GDPGP1: variants seen among roughly 807,000 people sequenced by gnomAD.
GDPGP1 encodes the protein GDP-D-glucose phosphorylase 1.
GDPGP1 carries 18 observed loss-of-function variants against 19.2 expected under a neutral mutation model. The observed-to-expected ratio is 0.94, with a 90% CI of 0.65 to 1.39. GDPGP1 has a LOEUF of 1.39. Ranked by LOEUF, GDPGP1 falls within the 40% of genes most tolerant of loss-of-function variation. The pLI, the probability that GDPGP1 is intolerant of heterozygous loss-of-function variation, is 0.00. For synonymous variants in GDPGP1, 219 were observed against 208.9 expected (o/e 1.05, Z -0.42); for missense variants, 449 against 490.5 (o/e 0.92, Z 0.80).
Position 90,241,019 on chromosome 15 carries a change from G to A in GDPGP1, c.111G>A (p.Met37Ile), listed in dbSNP as rs747292977. The A allele has an allele frequency of 1.7e-5, 27 of 1,613,926 alleles. No individual in the cohort carries two copies. The highest frequency in any genetic ancestry group is 2.2e-5 in the Non-Finnish European group (26 of 1,179,962). ...TTGTTTATGGGCAGAAGGATCTCAT[G>A]GCAGAAGGGATTCAGTGGCCAAGGA... is the stretch of plus-strand genomic sequence containing the variant. ...PDFVYGQKDL[M>I]AEGIQWPRNA... Residue 37 changes from methionine to isoleucine, a missense_variant, in exon 4 of 4, where the codon ATG (methionine) becomes ATA (isoleucine). Coordinates refer to ENST00000329600, the MANE Select transcript of GDPGP1 (RefSeq NM_001013657.3).
chr15:90,242,636 G>T lies in GDPGP1; in HGVS notation c.*570G>T, dbSNP rs549624592. ...ATTTTTTTGTATTTTTAAAAGAGAA[G>T]GGGTTTCACCACATTGGCTAGGCTG... is the stretch of plus-strand genomic sequence containing the variant. On this transcript the variant is annotated 3_prime_UTR_variant, in exon 4 of 4. Transcript: ENST00000329600. 2 of 151,064 alleles carry T rather than the reference G, an allele frequency of 1.3e-5. No individual in the cohort carries two copies. Among genetic ancestry groups the T allele is most frequent in the African/African-American group, 4.9e-5 (2 of 41,032 alleles). The allele number at this position is 151,064 out of a possible 1,614,324, so 9.4% of individuals were successfully genotyped here. A position where few individuals can be genotyped will look rare whatever the true frequency, so the allele number is the denominator to read the frequency against.
intron 2 of GDPGP1, among the ~76,000 whole-genome samples, chr15:90,236,818 G>A (rs1043393306): frequency 8.6e-5 from 13 of 152,042 alleles, no homozygotes; most frequent in South Asian, 8.3e-4. Flanking sequence ...CACCACGCCC[G>A]GCCTCTCATG....
In GDPGP1 at chr15:90,241,024, A is replaced by G; in HGVS notation, c.116A>G (p.Glu39Gly). ...TATGGGCAGAAGGATCTCATGGCAG[A>G]AGGGATTCAGTGGCCAAGGAATGCA... Reference protein sequence around the residue: ...FVYGQKDLMAEGIQWPRNAPG... With the variant: ...FVYGQKDLMAGGIQWPRNAPG... The change falls in exon 4 of 4, where the codon GAA (glutamate) becomes GGA (glycine). Residue 39 changes from glutamate (E) to glycine (G), a missense_variant. Glu to Gly is a moderately conservative substitution (Grantham distance 98). Transcript: ENST00000329600. 6.2e-7 allele frequency: 1 copy of G among 1,614,120 alleles called. No homozygotes were observed. Among genetic ancestry groups the G allele is most frequent in the Non-Finnish European group, 8.5e-7 (1 of 1,180,000 alleles).
Position 90,241,808 on chromosome 15 carries a change from A to G in GDPGP1, c.900A>G (p.Thr300=), listed in dbSNP as rs767311035. Residue 300 remains threonine, a synonymous_variant, in exon 4 of 4, where the codon ACA becomes ACG. Coordinates refer to ENST00000329600, the MANE Select transcript of GDPGP1 (RefSeq NM_001013657.3). ...FVTRGAPPGK[T]SPSSALTGVR... ...CCCGGGGAGCTCCGCCGGGAAAGACATCACCTTCCTCAGCCCTCACAGGGG... is the reference window on the plus strand; with the variant it reads ...CCCGGGGAGCTCCGCCGGGAAAGACGTCACCTTCCTCAGCCCTCACAGGGG... The G allele has an allele frequency of 6.2e-7, 1 of 1,614,114 alleles. No individual in the cohort carries two copies. Among genetic ancestry groups the G allele is most frequent in the Non-Finnish European group, 8.5e-7 (1 of 1,180,048 alleles).
At chr15:90,239,451 CTT>C (rs1159564240) in intron 3 of GDPGP1, among the ~76,000 whole-genome samples, 1 of 152,066 alleles carries the variant, frequency 6.6e-6, no homozygotes, top group Non-Finnish European at 1.5e-5. Context: ...CCTCAGGAAA[CTT>C]ACAATCATGA....
rs1417146286 is a variant in GDPGP1 at position 90,238,527 on chromosome 15, G to GGACTGAAGTGA, written c.-30_-20dup. The GGACTGAAGTGA allele has an allele frequency of 6.6e-6, 1 of 152,108 alleles. No homozygotes were observed. Among genetic ancestry groups the GGACTGAAGTGA allele is most frequent in the Non-Finnish European group, 1.5e-5 (1 of 68,026 alleles). 9.4% of individuals were successfully genotyped at this position (152,108 alleles called of 1,614,324 possible). On this transcript the variant is annotated 5_prime_UTR_variant, in exon 3 of 4. Coordinates refer to ENST00000329600, the MANE Select transcript of GDPGP1 (RefSeq NM_001013657.3). The stretch of plus-strand genomic sequence containing the variant: ...AGCAGAGCTGAAGGAACCCAAACTT[G>GGACTGAAGTGA]GACTGAAGTGACTCTACTAAGGTAA...
intron 2 of GDPGP1, among the ~76,000 whole-genome samples, chr15:90,238,201 G>A (rs576425941): frequency 1.2e-4 from 18 of 152,288 alleles, no homozygotes; most frequent in African/African-American, 4.3e-4. Context: ...TCAGGAGGCT[G>A]AGGCATGAAA....
chr15:90,237,329 T>C (rs1199547974), intron 2 of GDPGP1, among the ~76,000 whole-genome samples: 1 of 140,724 alleles, frequency 7.1e-6, no homozygotes, highest in African/African-American at 2.7e-5. Context: ...GTCACCAGGC[T>C]GGAATGCAGT....
Position 90,241,782 on chromosome 15 carries a change from A to AC in GDPGP1, c.877dup (p.Arg293ProfsTer34). 5.6e-6 allele frequency: 9 copies of AC among 1,614,152 alleles called. No homozygotes were observed. The highest frequency in any genetic ancestry group is 7.6e-6 in the Non-Finnish European group (9 of 1,180,026). ...TGAGATTGCTCATAACTTGTTTGTC[A>AC]CCCGGGGAGCTCCGCCGGGAAAGAC... On this transcript the variant is annotated frameshift_variant, in exon 4 of 4. Coordinates refer to ENST00000329600, the MANE Select transcript of GDPGP1 (RefSeq NM_001013657.3). LOFTEE classifies it high-confidence loss of function.
Position 90,242,125 on chromosome 15 carries a change from G to T in GDPGP1, c.*59G>T. On this transcript the variant is annotated 3_prime_UTR_variant, in exon 4 of 4. Coordinates refer to ENST00000329600, the MANE Select transcript of GDPGP1 (RefSeq NM_001013657.3). The stretch of plus-strand genomic sequence containing the variant: ...TTCTTTTGAGATAGGGTCTCACTCT[G>T]TCCCCAGGCTAGAGTGTAGTGGTAT... 1 of 1,375,134 alleles carries T rather than the reference G, an allele frequency of 7.3e-7. No homozygotes were observed. Among genetic ancestry groups the T allele is most frequent in the Middle Eastern group, 2.6e-4 (1 of 3,894 alleles). The allele number at this position is 1,375,134 out of a possible 1,614,324, so 85.2% of individuals were successfully genotyped here.
chr15:90,244,272 T>TG lies in GDPGP1; in HGVS notation c.*2210dup, dbSNP rs1424265608. The TG allele has an allele frequency of 2.6e-5, 4 of 152,310 alleles. No individual in the cohort carries two copies. Among genetic ancestry groups the TG allele is most frequent in the African/African-American group, 9.6e-5 (4 of 41,544 alleles). The allele number at this position is 152,310 out of a possible 1,614,324, so 9.4% of individuals were successfully genotyped here. On this transcript the variant is annotated 3_prime_UTR_variant, in exon 4 of 4. Transcript: ENST00000329600. ...CTCCCTGAGCCTCAGCCATCCCTCT[T>TG]GGGGTCTTTCCCAAGCACTTTAGAA...
At chr15:90,236,225 A>C (rs1962634284) in intron 2 of GDPGP1, 1 of 152,054 alleles carries the variant, frequency 6.6e-6, no homozygotes. Context: ...TTTAGTAGAG[A>C]CGGGGTTTCT....
intron 3 of GDPGP1, among the ~76,000 whole-genome samples, 165 bp downstream of exon 3, chr15:90,238,713 C>T (rs1962685960): frequency 6.6e-6 from 1 of 152,302 alleles, no homozygotes; most frequent in Admixed American, 6.5e-5. Context: ...GCCATCCTCA[C>T]CCAAATGTTT....
intron 2 of GDPGP1, among the ~76,000 whole-genome samples, chr15:90,237,035 T>C (rs1400913175): frequency 1.3e-5 from 2 of 151,864 alleles, no homozygotes; most frequent in Non-Finnish European, 2.9e-5. Context: ...CTTAGCTCAC[T>C]GCAACCTCTG....
rs532759888 is a variant in GDPGP1, at chr15:90,244,390, G to T, written c.*2324G>T. ...GTGGGAAATTTTTTTTTATCTCATT[G>T]CTTTGTTCTGTCCTGTTTCTCCAGA... On this transcript the variant is annotated 3_prime_UTR_variant, in exon 4 of 4. Transcript: ENST00000329600. 2 of 152,260 alleles carry T rather than the reference G, an allele frequency of 1.3e-5. No homozygotes were observed. Among genetic ancestry groups the T allele is most frequent in the African/African-American group, 2.4e-5 (1 of 41,540 alleles). 9.4% of individuals were successfully genotyped at this position (152,260 alleles called of 1,614,324 possible). A position where few individuals can be genotyped will look rare whatever the true frequency, so the allele number is the denominator to read the frequency against.
At position 90,238,069 on chromosome 15, in the gene GDPGP1, G is replaced by A. The variant is rs141010742; in HGVS notation, c.-66-423G>A. ...AATCCCAGCACTTTGGGAGGCCAAC[G>A]CAGGTGGATCACCTGAGGTCAGGAG... On this transcript the variant is annotated intron_variant, in intron 2 of 3. Coordinates refer to ENST00000329600, the MANE Select transcript of GDPGP1 (RefSeq NM_001013657.3). Among the ~76,000 whole-genome samples, 529 of 152,292 alleles carry A rather than the reference G, an allele frequency of 3.5e-3. 7 individuals carry two copies. Among genetic ancestry groups the A allele is most frequent in the South Asian group, 2.9e-3 (14 of 4,830 alleles).
intron 3 of GDPGP1, 75 bp from the exon 4 acceptor site, chr15:90,240,825 T>A (rs113126276): frequency 0.13 from 115,869 of 897,854 alleles, 4,176 homozygotes; most frequent in South Asian, 0.21. Flanking sequence ...AAAAAAAAAA[T>A]AAATAAATAA....
At position 90,241,696 on chromosome 15, in the gene GDPGP1, G is replaced by T. The variant is rs765186934; in HGVS notation, c.788G>T (p.Gly263Val). Residue 263 changes from glycine (G) to valine (V), a missense_variant, in exon 4 of 4, where the codon GGG becomes GTG. By Grantham distance (109) the Gly-to-Val change is moderately radical. Coordinates refer to ENST00000329600, the MANE Select transcript of GDPGP1 (RefSeq NM_001013657.3). ...PGFLFYTRGPGPDLESLISRV... is the reference protein window; with the variant it reads ...PGFLFYTRGPVPDLESLISRV... ...TTCCTCTTTTACACTCGTGGGCCAGGGCCTGACTTGGAGTCCTTGATAAGC... is the reference window on the plus strand; with the variant it reads ...TTCCTCTTTTACACTCGTGGGCCAGTGCCTGACTTGGAGTCCTTGATAAGC... The T allele has an allele frequency of 1.2e-6, 2 of 1,614,196 alleles. No individual in the cohort carries two copies. Among genetic ancestry groups the T allele is most frequent in the Non-Finnish European group, 1.7e-6 (2 of 1,180,032 alleles).
chr15:90,242,431 CTTTTTTTTTTTTTT>C lies in GDPGP1; in HGVS notation c.*383_*396del, dbSNP rs71151576. 0.15 allele frequency: 10,213 copies of C among 65,934 alleles called. 1,312 individuals carry two copies. Among genetic ancestry groups the C allele is most frequent in the East Asian group, 0.44 (1,467 of 3,366 alleles). 4.1% of individuals were successfully genotyped at this position (65,934 alleles called of 1,614,324 possible). A position where few individuals can be genotyped will look rare whatever the true frequency, so the allele number is the denominator to read the frequency against. On this transcript the variant is annotated 3_prime_UTR_variant, in exon 4 of 4. Coordinates refer to ENST00000329600, the MANE Select transcript of GDPGP1 (RefSeq NM_001013657.3). ...TGAGCCCCTGGATTCTTTTCTGTTT[CTTTTTTTTTTTTTT>C]TTTTTTTTTTTTTTTTTGAGATAGT...
Sources: allele counts gnomAD v4.1 joint callset (sites outside exome capture counted in the v4.1 genomes callset), GRCh38; gene constraint gnomAD v4.1.1; transcripts MANE v1.5; gene names NCBI Gene and HGNC (gene_info 2026-07-23, HGNC 2026-07-21).